Variants in VKORC1L1 observed in about 807,000 individuals in gnomAD.
VKORC1L1 encodes the protein vitamin K epoxide reductase complex subunit 1-like protein 1.
In VKORC1L1, 2 loss-of-function variants were observed where a neutral mutation model predicts 18.9. The ratio of observed to expected loss-of-function variants is 0.11; its 90% CI spans 0.04 to 0.33. VKORC1L1 has a LOEUF of 0.33. Ranked by LOEUF, VKORC1L1 falls within the 10% of genes least tolerant of loss-of-function variation. The pLI is 1.00. For missense variants in VKORC1L1, 123 were observed against 224.1 expected, an observed-to-expected ratio of 0.55 and a Z score of 2.88; for synonymous variants, 96 against 100.0, an observed-to-expected ratio of 0.96 and a Z score of 0.24.
At position 65,896,717 on chromosome 7, in the gene VKORC1L1, G is replaced by A. The variant is rs1467678596; in HGVS notation, c.194+23152G>A. ...GATGAATTTGCGTAAAAACAGACACGCTGCTGGGCCTGGTGGCTCATGCCT... is the reference window on the plus strand; with the variant it reads ...GATGAATTTGCGTAAAAACAGACACACTGCTGGGCCTGGTGGCTCATGCCT... On this transcript the variant is annotated intron_variant, in intron 1 of 2. Coordinates refer to ENST00000360768, the MANE Select transcript of VKORC1L1 (RefSeq NM_173517.6). Among the ~76,000 whole-genome samples, 4 of 151,900 alleles carry A rather than the reference G, an allele frequency of 2.6e-5. No individual in the cohort carries two copies. In the East Asian group the frequency reaches 5.8e-4, roughly 22 times the overall value.
intron 1 of VKORC1L1, among the ~76,000 whole-genome samples, chr7:65,894,910 T>C (rs896191311): frequency 1.3e-5 from 2 of 152,036 alleles, no homozygotes; most frequent in African/African-American, 4.8e-5. Context: ...AACTTAAGAA[T>C]TAACAAGAAA....
chr7:65,929,654 GTA>G (rs1789824151), intron 1 of VKORC1L1, among the ~76,000 whole-genome samples: 1 of 129,006 alleles, frequency 7.8e-6, no homozygotes, highest in Non-Finnish European at 1.6e-5. Flanking sequence ...ATATATATAT[GTA>G]TGTGTGTGTG....
At chr7:65,947,697 T>G (rs1369284693) in intron 1 of VKORC1L1, among the ~76,000 whole-genome samples, 5 of 147,714 alleles carry the variant, frequency 3.4e-5, no homozygotes, top group Non-Finnish European at 7.5e-5. Context: ...TATCCTGCAT[T>G]TTTTTTTTTT....
At chr7:65,948,868 T>C in intron 2 of VKORC1L1, 88 bp downstream of exon 2, 1 of 1,503,556 alleles carries the variant, frequency 6.7e-7, no homozygotes, top group South Asian at 1.2e-5. Context: ...TGTTAAAGCA[T>C]GTGTTATTTA....
chr7:65,879,847 TTTTC>T (rs1244532073), intron 1 of VKORC1L1, among the ~76,000 whole-genome samples: 2 of 151,808 alleles, frequency 1.3e-5, no homozygotes, highest in African/African-American at 4.8e-5. Flanking sequence ...CTTTCCTTTC[TTTTC>T]TTTCTTCTTT....
intron 1 of VKORC1L1, among the ~76,000 whole-genome samples, chr7:65,946,403 T>C (rs1459092715): frequency 1.3e-5 from 2 of 152,098 alleles, no homozygotes; most frequent in Admixed American, 1.3e-4. Context: ...CAGCTATGGA[T>C]CTCCAAGTGT....
intron 1 of VKORC1L1, among the ~76,000 whole-genome samples, chr7:65,945,276 T>A (rs1419539368): frequency 7.2e-6 from 1 of 138,624 alleles, no homozygotes; most frequent in Admixed American, 7.4e-5. Flanking sequence ...AAAAAAAAAA[T>A]AGCAATGTAA....
In VKORC1L1 at chr7:65,955,189, A is replaced by G. The variant is rs1440169295; in HGVS notation, c.*889A>G. ...CTTTGGAGAAAAGCTGGAAATATAA[A>G]CATGGCATTTTTAGGTAAAGTTTCT... On this transcript the variant is annotated 3_prime_UTR_variant, in exon 3 of 3. Coordinates refer to ENST00000360768, the MANE Select transcript of VKORC1L1 (RefSeq NM_173517.6). 1 of 152,186 alleles carries G rather than the reference A, an allele frequency of 6.6e-6. No individual in the cohort carries two copies. Among genetic ancestry groups the G allele is most frequent in the Admixed American group, 6.5e-5 (1 of 15,270 alleles). 9.4% of individuals were successfully genotyped at this position (152,186 alleles called of 1,614,324 possible).
At chr7:65,889,223 G>C (rs1439291297) in intron 1 of VKORC1L1, among the ~76,000 whole-genome samples, 1 of 151,966 alleles carries the variant, frequency 6.6e-6, no homozygotes, top group African/African-American at 2.4e-5. Flanking sequence ...CTCACTCATG[G>C]GTGAATCCAA....
chr7:65,947,251 G>A (rs960023663), intron 1 of VKORC1L1, among the ~76,000 whole-genome samples: 18 of 152,160 alleles, frequency 1.2e-4, no homozygotes, highest in African/African-American at 3.6e-4. Context: ...CAACATCATC[G>A]TTATACAGGG....
At chr7:65,928,186 C>T (rs1789797307) in intron 1 of VKORC1L1, among the ~76,000 whole-genome samples, 4 of 150,684 alleles carry the variant, frequency 2.7e-5, no homozygotes, top group African/African-American at 4.9e-5. Flanking sequence ...TTTAGAGAAA[C>T]ATGTATAGTC....
chr7:65,894,007 T>C (rs1583829890), intron 1 of VKORC1L1, among the ~76,000 whole-genome samples: 1 of 151,856 alleles, frequency 6.6e-6, no homozygotes, highest in East Asian at 1.9e-4. Flanking sequence ...CAGGCTGGAG[T>C]GCAATGGTGC....
upstream of VKORC1L1, among the ~76,000 whole-genome samples, chr7:65,871,883 A>T (rs1279628766): frequency 7.2e-5 from 11 of 152,138 alleles, no homozygotes; most frequent in Admixed American, 6.6e-4. Flanking sequence ...GGGAAAAAAA[A>T]GTTTATTGTT....
chr7:65,921,517 T>A (rs1789674983), intron 1 of VKORC1L1, among the ~76,000 whole-genome samples: 1 of 152,110 alleles, frequency 6.6e-6, no homozygotes, highest in South Asian at 2.1e-4. Context: ...TCTCAAGTAG[T>A]TGAGATTACA....
chr7:65,879,121 A>G (rs1402549993), intron 1 of VKORC1L1, among the ~76,000 whole-genome samples: 71 of 152,198 alleles, frequency 4.7e-4, no homozygotes, highest in Non-Finnish European at 8.5e-4. Flanking sequence ...TTTAACATGG[A>G]AGTATCACGT....
intron 1 of VKORC1L1, among the ~76,000 whole-genome samples, chr7:65,889,491 C>T (rs1320193607): frequency 6.6e-6 from 1 of 152,226 alleles, no homozygotes; most frequent in Non-Finnish European, 1.5e-5. Flanking sequence ...AATCAATCAC[C>T]AGGCCCCATT....
intron 1 of VKORC1L1, among the ~76,000 whole-genome samples, chr7:65,930,279 A>G (rs1483808905): frequency 6.6e-6 from 1 of 152,192 alleles, no homozygotes; most frequent in Non-Finnish European, 1.5e-5. Context: ...TTTGGCATAG[A>G]CTCAAATGGG....
intron 1 of VKORC1L1, among the ~76,000 whole-genome samples, chr7:65,873,801 G>T (rs1180988818): frequency 5.3e-5 from 8 of 151,816 alleles, no homozygotes; most frequent in African/African-American, 1.9e-4. Context: ...CAGCCGGGGA[G>T]GGATGAGGTG....
intron 1 of VKORC1L1, among the ~76,000 whole-genome samples, chr7:65,921,795 C>T (rs1201519472): frequency 4.6e-5 from 7 of 151,146 alleles, no homozygotes; most frequent in Admixed American, 1.3e-4. Context: ...TTGCAGTGAG[C>T]GGAGATCATG....
Sources: allele counts gnomAD v4.1 joint callset (sites outside exome capture counted in the v4.1 genomes callset), GRCh38; gene constraint gnomAD v4.1.1; transcripts MANE v1.5; gene names NCBI Gene and HGNC (gene_info 2026-07-23, HGNC 2026-07-21).